The following THSD4 variants were observed in gnomAD, a reference collection of about 807,000 sequenced individuals.
THSD4 encodes the protein thrombospondin type-1 domain-containing protein 4.
Under a neutral mutation model 119.0 loss-of-function variants are expected in THSD4, and 69 were observed. The observed-to-expected ratio is 0.58, with a 90% CI of 0.48 to 0.71. THSD4 has a LOEUF of 0.71. Ranked by LOEUF, THSD4 falls within the 30% of genes least tolerant of loss-of-function variation. The pLI, the probability that THSD4 is intolerant of heterozygous loss-of-function variation, is 0.00. For missense variants in THSD4, 1,393 were observed against 1,391.1 expected (o/e 1.00, Z -0.02); for synonymous variants, 524 against 540.4 (o/e 0.97, Z 0.42).
At chr15:71,752,252 A>G (rs1398197152) in intron 14 of THSD4, among the ~76,000 whole-genome samples, 11 of 152,216 alleles carry the variant, frequency 7.2e-5, no homozygotes, top group Admixed American at 7.2e-4. Context: ...AAAAAGCTAC[A>G]TGTAAATTTT....
chr15:71,121,300 C>T (rs1454875907), intron 1 of THSD4, among the ~76,000 whole-genome samples: 2 of 152,000 alleles, frequency 1.3e-5, no homozygotes, highest in African/African-American at 2.4e-5. Context: ...AGTTTTTCCA[C>T]CTGGAAAATG....
In THSD4 at chr15:71,165,095, T is replaced by A. The variant is rs1347273704; in HGVS notation, c.99+10163T>A. 4.3e-6 allele frequency: 7 copies of A among 1,611,176 alleles called. No individual in the cohort carries two copies. The Admixed American group carries it at 6.7e-5, about 15-fold the overall frequency. On this transcript the variant is annotated intron_variant, in intron 3 of 17. Coordinates refer to ENST00000261862, the MANE Select transcript of THSD4 (RefSeq NM_024817.3). ...TTCTCCTTTGATTTTTGGGCGATAC[T>A]CAGAGCAGAAGAGGAAGAAGGCCGA...
chr15:71,465,925 G>C (rs2047493121), intron 7 of THSD4, among the ~76,000 whole-genome samples: 1 of 152,200 alleles, frequency 6.6e-6, no homozygotes, highest in Admixed American at 6.5e-5. Context: ...GAAAGGCCTG[G>C]GAAGAAGGCC....
At chr15:71,457,841 G>A (rs1315431008) in intron 7 of THSD4, among the ~76,000 whole-genome samples, 1 of 152,138 alleles carries the variant, frequency 6.6e-6, no homozygotes, top group Non-Finnish European at 1.5e-5. Flanking sequence ...ATATGTTTAT[G>A]GCCTGTCTTC....
At chr15:71,748,682 C>T (rs1333570235) in intron 14 of THSD4, 88 bp downstream of exon 14, 2 of 1,479,204 alleles carry the variant, frequency 1.4e-6, no homozygotes, top group Non-Finnish European at 9.1e-7. Context: ...AGCTCAGAAT[C>T]CCAAGACTGA....
intron 6 of THSD4, among the ~76,000 whole-genome samples, chr15:71,330,709 G>C (rs1433404348): frequency 6.6e-6 from 1 of 152,180 alleles, no homozygotes. Flanking sequence ...CCCAGGTGAA[G>C]AGAACAGTCC....
At chr15:71,765,777 A>C (rs570987816) in intron 16 of THSD4, among the ~76,000 whole-genome samples, 5 of 137,296 alleles carry the variant, frequency 3.6e-5, no homozygotes, top group Admixed American at 6.9e-5. Flanking sequence ...ACAAACACAC[A>C]CGCACACACT....
At chr15:71,269,868 A>G (rs1026079029) in intron 6 of THSD4, among the ~76,000 whole-genome samples, 2 of 152,234 alleles carry the variant, frequency 1.3e-5, no homozygotes, top group African/African-American at 4.8e-5. Flanking sequence ...AAAGAGAATA[A>G]AATACCTAGT....
At position 71,745,145 on chromosome 15, in the gene THSD4, C is replaced by G. The variant is rs2053310546; in HGVS notation, c.1946C>G (p.Thr649Ser). 6.2e-7 allele frequency: 1 copy of G among 1,612,424 alleles called. No individual in the cohort carries two copies. Among genetic ancestry groups the G allele is most frequent in the South Asian group, 1.1e-5 (1 of 90,994 alleles). The stretch of plus-strand genomic sequence containing the variant: ...ATTTTCCGCTGTGTGCACAGAAGCA[C>G]TCATGAAGAGGCTCCTGAGAGTTAC... ...YPIFRCVHRS[T>S]HEEAPESYCD... is the part of the protein sequence containing the mutation. Residue 649 changes from threonine (T) to serine (S), a missense_variant, in exon 12 of 18, where the codon ACT (threonine) becomes AGT (serine). Physicochemically the swap from Thr to Ser is moderately conservative, Grantham distance 58. Coordinates refer to ENST00000261862, the MANE Select transcript of THSD4 (RefSeq NM_024817.3).
intron 7 of THSD4, among the ~76,000 whole-genome samples, chr15:71,629,251 C>T (rs2050569774): frequency 3.9e-5 from 6 of 152,182 alleles, no homozygotes; most frequent in Admixed American, 3.9e-4. Flanking sequence ...CCCAGTAAGG[C>T]TGAAGCTGGA....
chr15:71,143,883 C>T (rs959973789), intron 2 of THSD4, among the ~76,000 whole-genome samples: 6 of 151,950 alleles, frequency 3.9e-5, no homozygotes, highest in African/African-American at 1.2e-4. Flanking sequence ...CAAACAGTCT[C>T]CTGTAATGAT....
At chr15:71,434,116 T>C (rs1445700256) in intron 7 of THSD4, among the ~76,000 whole-genome samples, 1 of 152,160 alleles carries the variant, frequency 6.6e-6, no homozygotes, top group Non-Finnish European at 1.5e-5. Flanking sequence ...TTACCAACAA[T>C]TTTAAAGCTA....
intron 8 of THSD4, among the ~76,000 whole-genome samples, chr15:71,702,554 A>AT (rs2052313141): frequency 6.6e-6 from 1 of 152,150 alleles, no homozygotes; most frequent in African/African-American, 2.4e-5. Context: ...CCTATGCAGA[A>AT]TGTTACTTGA....
At chr15:71,676,477 T>C (rs1431461178) in intron 8 of THSD4, among the ~76,000 whole-genome samples, 2 of 152,144 alleles carry the variant, frequency 1.3e-5, no homozygotes, top group Non-Finnish European at 2.9e-5. Context: ...AGACAGGGTT[T>C]TACCATGTTG....
chr15:71,633,265 CTTTCTTTTTT>C (rs764559992), intron 7 of THSD4, among the ~76,000 whole-genome samples: 1 of 123,596 alleles, frequency 8.1e-6, no homozygotes, highest in Non-Finnish European at 1.7e-5. Flanking sequence ...TTCTTTCTTT[CTTTCTTTTTT>C]TTTTTTTTTT....
At position 71,356,272 on chromosome 15, in the gene THSD4, T is replaced by G. The variant is rs1423468371; in HGVS notation, c.1016-55415T>G. Among the ~76,000 whole-genome samples, 5 of 152,296 alleles carry G rather than the reference T, an allele frequency of 3.3e-5. No homozygotes were observed. In the South Asian group the frequency reaches 6.2e-4, roughly 19 times the overall value. ...TGGCTACTCTCTGCACACGGTTGCT[T>G]CTGGGGCCCGAAGCCCTTCCAGGAG... is the stretch of plus-strand genomic sequence containing the variant. On this transcript the variant is annotated intron_variant, in intron 6 of 17. Coordinates refer to ENST00000261862, the MANE Select transcript of THSD4 (RefSeq NM_024817.3).
chr15:71,211,667 A>C (rs2043889033), intron 3 of THSD4, among the ~76,000 whole-genome samples: 1 of 152,106 alleles, frequency 6.6e-6, no homozygotes, highest in South Asian at 2.1e-4. Context: ...CCTGTGAACC[A>C]CCTGTTCATA....
At chr15:71,215,740 T>A (rs1478465636) in intron 4 of THSD4, among the ~76,000 whole-genome samples, 1 of 151,698 alleles carries the variant, frequency 6.6e-6, no homozygotes, top group African/African-American at 2.4e-5. Flanking sequence ...GAAGGAGAGA[T>A]CCTCAGCCTG....
rs147385740 is a variant in THSD4 at position 71,476,758 on chromosome 15, G to C, written c.1152+64935G>C. Among the ~76,000 whole-genome samples, 240 of 152,318 alleles carry C rather than the reference G, an allele frequency of 1.6e-3. 3 individuals are homozygous for C. Among genetic ancestry groups the C allele is most frequent in the African/African-American group, 4.9e-3 (205 of 41,578 alleles). On this transcript the variant is annotated intron_variant, in intron 7 of 17. Coordinates refer to ENST00000261862, the MANE Select transcript of THSD4 (RefSeq NM_024817.3). ...TCATTACCAAACTCTCTGCTGAGCA[G>C]TTGTTCAAGAAACAGTGCAGCCCAG...
Sources: allele counts gnomAD v4.1 joint callset (sites outside exome capture counted in the v4.1 genomes callset), GRCh38; gene constraint gnomAD v4.1.1; transcripts MANE v1.5; gene names NCBI Gene and HGNC (gene_info 2026-07-23, HGNC 2026-07-21).